The following PTPRK variants were observed in gnomAD, a reference collection of about 807,000 sequenced individuals.
PTPRK encodes the protein receptor-type tyrosine-protein phosphatase kappa.
In PTPRK, 75 loss-of-function variants were observed where a neutral mutation model predicts 178.0. The ratio of observed to expected loss-of-function variants is 0.42; its 90% CI spans 0.35 to 0.51. The LOEUF (loss-of-function observed/expected upper bound fraction) is 0.51. Among genes scored for constraint, PTPRK ranks in the 20% least tolerant of loss-of-function variants. The pLI is 0.02. For missense variants in PTPRK, 1,441 were observed against 1,797.8 expected, an observed-to-expected ratio of 0.80 and a Z score of 3.59; for synonymous variants, 637 against 620.6, an observed-to-expected ratio of 1.03 and a Z score of -0.39.
chr6:128,165,423 G>GT (rs1212486858), intron 7 of PTPRK, among the ~76,000 whole-genome samples: 2 of 151,142 alleles, frequency 1.3e-5, no homozygotes, highest in East Asian at 1.9e-4. Context: ...CATGAGAGAG[G>GT]TTTTGGTTAA....
intron 1 of PTPRK, among the ~76,000 whole-genome samples, chr6:128,515,368 A>C (rs1245273376): frequency 2.0e-5 from 3 of 152,122 alleles, no homozygotes; most frequent in Non-Finnish European, 4.4e-5. Context: ...TCATGAATTG[A>C]TGTCTTGTAC....
At chr6:128,229,679 G>A (rs955763638) in intron 5 of PTPRK, among the ~76,000 whole-genome samples, 7 of 152,066 alleles carry the variant, frequency 4.6e-5, no homozygotes, top group African/African-American at 1.7e-4. Context: ...TTGGAGAGGT[G>A]CCCACTAAGC....
At chr6:127,997,215 G>A (rs1280699984) in intron 16 of PTPRK, among the ~76,000 whole-genome samples, 2 of 151,718 alleles carry the variant, frequency 1.3e-5, no homozygotes. Context: ...TAACTTTAGA[G>A]AAAAAAAATG....
chr6:128,414,814 ATTAT>A (rs1333891270), intron 1 of PTPRK, among the ~76,000 whole-genome samples: 2 of 152,136 alleles, frequency 1.3e-5, no homozygotes, highest in Admixed American at 6.5e-5. Flanking sequence ...TAAGTTTTAT[ATTAT>A]TTAATATTTA....
At chr6:128,244,926 C>T (rs1815178310) in intron 3 of PTPRK, among the ~76,000 whole-genome samples, 1 of 152,124 alleles carries the variant, frequency 6.6e-6, no homozygotes, top group Non-Finnish European at 1.5e-5. Flanking sequence ...TAATAAGCAT[C>T]ACTTGGGGTT....
In PTPRK at chr6:127,985,795, T is replaced by C. The variant is rs1775906924; in HGVS notation, c.3177A>G (p.Thr1059=). The change falls in exon 22 of 30, where the codon ACA becomes ACG. Residue 1059 remains threonine (T), a synonymous_variant. Transcript: ENST00000368226. ...CTCGCCGGATAAAGGAAAGCAGCCC[T>C]GTAGCATGGTAGGGCACTCCATGGT... ...WPDHGVPYHA[T]GLLSFIRRVK... is the part of the protein sequence containing the mutation. 4 of 1,613,846 alleles carry C rather than the reference T, an allele frequency of 2.5e-6. No homozygotes were observed. The highest frequency in any genetic ancestry group is 3.4e-6 in the Non-Finnish European group (4 of 1,179,892).
At chr6:128,149,647 A>G (rs1796988889) in intron 7 of PTPRK, among the ~76,000 whole-genome samples, 2 of 152,162 alleles carry the variant, frequency 1.3e-5, no homozygotes. Context: ...ATTAAAATAG[A>G]TAAGGTCTGC....
intron 2 of PTPRK, among the ~76,000 whole-genome samples, chr6:128,361,246 G>A (rs191224271): frequency 1.3e-5 from 2 of 152,046 alleles, no homozygotes; most frequent in African/African-American, 2.4e-5. Context: ...ACCTATGAGA[G>A]AATCTGTTCC....
intron 5 of PTPRK, among the ~76,000 whole-genome samples, chr6:128,227,259 T>C (rs1811515270): frequency 6.6e-6 from 1 of 152,186 alleles, no homozygotes; most frequent in Admixed American, 6.5e-5. Context: ...TCCACAACTA[T>C]AAAACCATGC....
chr6:128,222,268 C>T (rs1351527227), intron 5 of PTPRK, among the ~76,000 whole-genome samples: 2 of 152,130 alleles, frequency 1.3e-5, no homozygotes, highest in African/African-American at 4.8e-5. Flanking sequence ...ATTGGCATTC[C>T]TCTCACAACA....
intron 7 of PTPRK, among the ~76,000 whole-genome samples, chr6:128,173,946 C>T (rs1800672414): frequency 6.7e-6 from 1 of 150,244 alleles, no homozygotes; most frequent in Admixed American, 6.7e-5. Flanking sequence ...AAAATGTATT[C>T]CCTTACATAA....
chr6:128,374,835 C>A (rs1477194854), intron 2 of PTPRK, among the ~76,000 whole-genome samples: 2 of 152,000 alleles, frequency 1.3e-5, no homozygotes. Context: ...AATCAGTCCC[C>A]TATTACTACT....
rs145008664 is a variant in PTPRK at position 128,385,629 on chromosome 6, C to T, written c.223+11937G>A. 2.3e-3 allele frequency among the ~76,000 whole-genome samples: 348 copies of T among 152,254 alleles called. 1 individual carries two copies. Among genetic ancestry groups the T allele is most frequent in the Middle Eastern group, 0.01 (3 of 294 alleles). On this transcript the variant is annotated intron_variant, in intron 2 of 29. Coordinates refer to ENST00000368226, the MANE Select transcript of PTPRK (RefSeq NM_002844.4). ...AATTTTTCTCTTTTCTAGTGTGATA[C>T]GGTTGATTACTATAATAAATTAATC... is the stretch of plus-strand genomic sequence containing the variant.
intron 6 of PTPRK, among the ~76,000 whole-genome samples, chr6:128,192,600 G>T (rs1803992324): frequency 6.6e-6 from 1 of 151,898 alleles, no homozygotes; most frequent in South Asian, 2.1e-4. Flanking sequence ...AAGGCAAATC[G>T]CTCGAGCCCA....
At chr6:128,349,823 G>A (rs1001874929) in intron 2 of PTPRK, among the ~76,000 whole-genome samples, 4 of 152,010 alleles carry the variant, frequency 2.6e-5, no homozygotes, top group Non-Finnish European at 5.9e-5. Flanking sequence ...TTTGGGCAAG[G>A]TTGCCAACTG....
At chr6:128,076,021 G>C (rs1249696912) in intron 11 of PTPRK, among the ~76,000 whole-genome samples, 1 of 151,928 alleles carries the variant, frequency 6.6e-6, no homozygotes, top group Non-Finnish European at 1.5e-5. Context: ...AAGGTGACAG[G>C]GGTGGCAGGG....
intron 2 of PTPRK, among the ~76,000 whole-genome samples, chr6:128,387,107 C>G (rs544554681): frequency 3.9e-5 from 6 of 152,122 alleles, no homozygotes; most frequent in African/African-American, 1.2e-4. Context: ...CAAAAGGATA[C>G]CACTTTTTTG....
chr6:127,978,350 A>G (rs1037856313), intron 25 of PTPRK, among the ~76,000 whole-genome samples: 4 of 152,174 alleles, frequency 2.6e-5, no homozygotes, highest in Non-Finnish European at 5.9e-5. Context: ...GCTGTTCTCC[A>G]GATAGTGAGT....
chr6:128,044,891 C>G (rs1211449878), intron 13 of PTPRK, among the ~76,000 whole-genome samples: 1 of 151,826 alleles, frequency 6.6e-6, no homozygotes, highest in Non-Finnish European at 1.5e-5. Context: ...AATATAAGCT[C>G]CTTGAAGTGA....
Sources: gnomAD v4.1 joint callset for allele counts (sites outside exome capture counted in the v4.1 genomes callset) on GRCh38, gnomAD v4.1.1 for gene constraint, MANE v1.5 for transcripts, NCBI Gene and HGNC (gene_info 2026-07-23, HGNC 2026-07-21) for gene names.